Variants in MLLT3 observed in about 807,000 individuals in gnomAD.
MLLT3 encodes protein AF-9.
In MLLT3, 4 loss-of-function variants were observed where a neutral mutation model predicts 53.2. The ratio of observed to expected loss-of-function variants is 0.08; its 90% confidence interval spans 0.04 to 0.17. The LOEUF is 0.17. Ranked by LOEUF, MLLT3 falls within the 10% of genes least tolerant of loss-of-function variation. The pLI is 1.00. For missense variants in MLLT3, 569 were observed against 684.0 expected, an observed-to-expected ratio of 0.83 and a Z score of 1.87; for synonymous variants, 283 against 230.6, an observed-to-expected ratio of 1.23 and a Z score of -2.06.
intron 2 of MLLT3, among the ~76,000 whole-genome samples, chr9:20,488,177 A>G (rs910428852): frequency 6.6e-5 from 10 of 152,142 alleles, no homozygotes; most frequent in African/African-American, 2.2e-4. Context: ...GACAGAAAGT[A>G]ACAAAGTGGT....
At position 20,621,900 on chromosome 9, in the gene MLLT3, A is replaced by G; in HGVS notation, c.12+345T>C. ...GCTGAGTTATTATTCGCCTCCTTCC[A>G]CCGTGTGTGTGTGTGTGTGTGAGTG... On this transcript the variant is annotated intron_variant, in intron 1 of 10. Coordinates refer to ENST00000380338, the MANE Select transcript of MLLT3 (RefSeq NM_004529.4). The surrounding 1 kb of genome is among the most constrained non-coding windows in gnomAD (Gnocchi z 7.0). 2 of 1,344,534 alleles carry G rather than the reference A, an allele frequency of 1.5e-6. No individual in the cohort carries two copies. Among genetic ancestry groups the G allele is most frequent in the East Asian group, 6.5e-5 (2 of 30,580 alleles). 83.3% of individuals were successfully genotyped at this position (1,344,534 alleles called of 1,614,324 possible).
chr9:20,433,273 C>G (rs568412507), intron 4 of MLLT3, among the ~76,000 whole-genome samples: 1 of 151,880 alleles, frequency 6.6e-6, no homozygotes, highest in Non-Finnish European at 1.5e-5. Flanking sequence ...TGCAAAGAAA[C>G]CAGGTTAAAG....
At chr9:20,502,741 G>A (rs1825278824) in intron 2 of MLLT3, among the ~76,000 whole-genome samples, 1 of 152,154 alleles carries the variant, frequency 6.6e-6, no homozygotes, top group South Asian at 2.1e-4. Context: ...GTATCCACAG[G>A]AGGTCCTGGA....
At position 20,621,776 on chromosome 9, in the gene MLLT3, C is replaced by G. The variant is rs747188908; in HGVS notation, c.12+469G>C. ...ACGCGCGCCGCGGAGAACGCACCAT[C>G]GTAGCGGCCGCGGCGCTTTGCGGAG... On this transcript the variant is annotated intron_variant, in intron 1 of 10. Transcript: ENST00000380338. This position sits in a 1 kb window ranked among gnomAD's most constrained non-coding sequence, Gnocchi z 7.0. 6.7e-7 allele frequency: 1 copy of G among 1,481,824 alleles called. No individual in the cohort carries two copies. The highest frequency in any genetic ancestry group is 1.3e-5 in the South Asian group (1 of 78,016). The allele number at this position is 1,481,824 out of a possible 1,614,324, so 91.8% of individuals were successfully genotyped here. A position where few individuals can be genotyped will look rare whatever the true frequency, so the allele number is the denominator to read the frequency against.
chr9:20,565,853 C>A (rs1301760626), intron 2 of MLLT3, among the ~76,000 whole-genome samples: 1 of 146,962 alleles, frequency 6.8e-6, no homozygotes, highest in Non-Finnish European at 1.5e-5. Context: ...AGTCCCTCTT[C>A]AGAAAAAGTC....
chr9:20,558,345 C>G (rs979590766), intron 2 of MLLT3, among the ~76,000 whole-genome samples: 6 of 152,266 alleles, frequency 3.9e-5, no homozygotes, highest in East Asian at 3.9e-4. Context: ...GTTGGCCAGG[C>G]TGATCTCAAG....
intron 2 of MLLT3, among the ~76,000 whole-genome samples, chr9:20,616,081 A>T (rs1820827743): frequency 6.6e-6 from 1 of 152,158 alleles, no homozygotes; most frequent in South Asian, 2.1e-4. Flanking sequence ...AAAAAACTCT[A>T]TGCGTTCTTC....
chr9:20,354,640 T>C (rs1821118193), intron 9 of MLLT3, among the ~76,000 whole-genome samples, 168 bp downstream of exon 9: 1 of 152,136 alleles, frequency 6.6e-6, no homozygotes, highest in Admixed American at 6.5e-5. Context: ...AAACAACACA[T>C]GGAAAACAAA....
At chr9:20,526,088 G>T (rs1412284572) in intron 2 of MLLT3, among the ~76,000 whole-genome samples, 2 of 152,122 alleles carry the variant, frequency 1.3e-5, no homozygotes. Flanking sequence ...TAAAATACTA[G>T]GGTATAAAAA....
chr9:20,474,907 T>C (rs1057101633), intron 2 of MLLT3, among the ~76,000 whole-genome samples: 3 of 152,124 alleles, frequency 2.0e-5, no homozygotes, highest in Non-Finnish European at 4.4e-5. Context: ...GTTCTAAATA[T>C]TGGAGGACTT....
At chr9:20,385,532 C>CA (rs1228130320) in intron 5 of MLLT3, among the ~76,000 whole-genome samples, 1 of 151,914 alleles carries the variant, frequency 6.6e-6, no homozygotes, top group Non-Finnish European at 1.5e-5. Context: ...ATAAAAATAA[C>CA]AAAATGTCTG....
chr9:20,367,184 A>G (rs1821478885), intron 5 of MLLT3, among the ~76,000 whole-genome samples: 1 of 152,022 alleles, frequency 6.6e-6, no homozygotes, highest in Admixed American at 6.5e-5. Flanking sequence ...CTTACGCTCT[A>G]TGAATTCTCC....
At chr9:20,556,274 T>C (rs192705558) in intron 2 of MLLT3, among the ~76,000 whole-genome samples, 79 of 152,332 alleles carry the variant, frequency 5.2e-4, no homozygotes, top group African/African-American at 1.8e-3. Flanking sequence ...GATTAAATAA[T>C]CCTTGAGGCA....
intron 2 of MLLT3, among the ~76,000 whole-genome samples, chr9:20,530,034 A>G (rs1480556109): frequency 1.3e-5 from 2 of 152,172 alleles, no homozygotes; most frequent in Non-Finnish European, 1.5e-5. Context: ...AGTTGATTCT[A>G]TTTTGAAATG....
chr9:20,362,777 T>C (rs1242291295), intron 7 of MLLT3: 2 of 150,540 alleles, frequency 1.3e-5, no homozygotes, highest in Non-Finnish European at 3.0e-5. Flanking sequence ...AAAGATTTAA[T>C]GCAATATATT....
At position 20,528,387 on chromosome 9, in the gene MLLT3, G is replaced by T. The variant is rs74846383; in HGVS notation, c.194-71601C>A. On this transcript the variant is annotated intron_variant, in intron 2 of 10. Transcript: ENST00000380338. ...ACCGCCAAAACCCAACTGGTAACAG[G>T]AAAGTGGCTATATTAGTTTCCTGTG... 2.9e-3 allele frequency among the ~76,000 whole-genome samples: 447 copies of T among 152,344 alleles called. 1 individual carries two copies. Among genetic ancestry groups the T allele is most frequent in the African/African-American group, 0.01 (416 of 41,576 alleles).
At chr9:20,347,164 G>A (rs949749677) in intron 10 of MLLT3, among the ~76,000 whole-genome samples, 2 of 151,688 alleles carry the variant, frequency 1.3e-5, no homozygotes, top group Admixed American at 1.3e-4. Flanking sequence ...GCTCAAGGGA[G>A]CCTTCTAGAG....
chr9:20,396,896 A>G (rs745618220), intron 5 of MLLT3, among the ~76,000 whole-genome samples: 1 of 152,170 alleles, frequency 6.6e-6, no homozygotes, highest in South Asian at 2.1e-4. Context: ...CACAATCAAG[A>G]TTTCTGGCTA....
At chr9:20,425,200 T>C (rs1823112612) in intron 4 of MLLT3, among the ~76,000 whole-genome samples, 1 of 152,134 alleles carries the variant, frequency 6.6e-6, no homozygotes, top group Admixed American at 6.6e-5. Context: ...AAGAGATCAA[T>C]TTAAAATGGT....
Sources: gnomAD v4.1 joint callset for allele counts (sites outside exome capture counted in the v4.1 genomes callset) on GRCh38, gnomAD v4.1.1 for gene constraint, Gnocchi (gnomAD v3.1) non-coding constraint, MANE v1.5 for transcripts, NCBI Gene and HGNC (gene_info 2026-07-23, HGNC 2026-07-21) for gene names.